The following ATP8A2 variants were observed in gnomAD, a reference collection of about 807,000 sequenced individuals.
The protein encoded by ATP8A2 is ATPase phospholipid transporting 8A2.
In ATP8A2, 100 loss-of-function variants were observed where a neutral mutation model predicts 165.6. The ratio of observed to expected loss-of-function variants is 0.60; its 90% confidence interval spans 0.51 to 0.71. ATP8A2 has a LOEUF of 0.71. Ranked by LOEUF, ATP8A2 falls within the 30% of genes least tolerant of loss-of-function variation. ATP8A2 has a pLI of 0.00. For synonymous variants in ATP8A2, 543 were observed against 548.8 expected (o/e 0.99, Z 0.15); for missense variants, 1,227 against 1,479.5 (o/e 0.83, Z 2.80).
At chr13:25,465,037 C>T (rs1442941648) in intron 1 of ATP8A2, among the ~76,000 whole-genome samples, 2 of 152,266 alleles carry the variant, frequency 1.3e-5, no homozygotes, top group East Asian at 3.9e-4. Flanking sequence ...GTTTCTTTCT[C>T]AGCTAATAGA....
chr13:25,789,585 G>C (rs1326704562), intron 27 of ATP8A2, among the ~76,000 whole-genome samples: 1 of 152,158 alleles, frequency 6.6e-6, no homozygotes, highest in East Asian at 1.9e-4. Context: ...AATCAGAGAT[G>C]ACACAAACAA....
At chr13:25,535,505 C>A (rs1420925929) in intron 6 of ATP8A2, among the ~76,000 whole-genome samples, 4 of 152,114 alleles carry the variant, frequency 2.6e-5, no homozygotes, top group Non-Finnish European at 5.9e-5. Flanking sequence ...ACACAAGGAA[C>A]AATCATGTAA....
In ATP8A2 at chr13:25,764,133, TA is replaced by T. The variant is rs1566115231; in HGVS notation, c.2385-4912del. Reference sequence around the variant, plus strand: ...TCTGATATATTGGAGCACTTTATTTTATAGTTAAATATTATGTATTTTAGGC... The same window carrying T: ...TCTGATATATTGGAGCACTTTATTTTTAGTTAAATATTATGTATTTTAGGC... On this transcript the variant is annotated intron_variant, in intron 25 of 36. Coordinates refer to ENST00000381655, the MANE Select transcript of ATP8A2 (RefSeq NM_016529.6). Among the ~76,000 whole-genome samples the T allele has an allele frequency of 3.9e-5, 6 of 152,226 alleles. No homozygotes were observed. In the East Asian group the frequency reaches 1.2e-3, roughly 29 times the overall value.
At chr13:25,899,119 G>A (rs778759660) in intron 33 of ATP8A2, among the ~76,000 whole-genome samples, 9 of 152,188 alleles carry the variant, frequency 5.9e-5, no homozygotes, top group Non-Finnish European at 1.0e-4. Flanking sequence ...CTTCTGTGTC[G>A]CTCACTCTGG....
Position 26,022,485 on chromosome 13 carries a change from G to A in ATP8A2, c.*2500G>A, listed in dbSNP as rs1055472607. The A allele has an allele frequency of 6.6e-6, 1 of 152,222 alleles. No individual in the cohort carries two copies. The highest frequency in any genetic ancestry group is 2.4e-5 in the African/African-American group (1 of 41,444). The allele number at this position is 152,222 out of a possible 1,614,324, so 9.4% of individuals were successfully genotyped here. A position where few individuals can be genotyped will look rare whatever the true frequency, so the allele number is the denominator to read the frequency against. ...GTGTATTTTCCTATTCTCTTGAGAA[G>A]TAGACTAAACAATATTTGCAGTGAT... On this transcript the variant is annotated 3_prime_UTR_variant, in exon 37 of 37. Coordinates refer to ENST00000381655, the MANE Select transcript of ATP8A2 (RefSeq NM_016529.6).
At chr13:25,699,396 C>A in intron 25 of ATP8A2, 51 bp downstream of exon 25, 2 of 1,374,446 alleles carry the variant, frequency 1.5e-6, no homozygotes, top group South Asian at 1.8e-5. Flanking sequence ...GTCTGTATCC[C>A]GTGCTTATAC....
At chr13:25,832,471 G>A (rs1475888034) in intron 28 of ATP8A2, among the ~76,000 whole-genome samples, 1 of 152,060 alleles carries the variant, frequency 6.6e-6, no homozygotes, top group East Asian at 1.9e-4. Context: ...TAAAATATTG[G>A]CAAATGGAGT....
chr13:25,416,466 T>A (rs2034136135), intron 1 of ATP8A2, among the ~76,000 whole-genome samples: 1 of 152,178 alleles, frequency 6.6e-6, no homozygotes, highest in Non-Finnish European at 1.5e-5. Flanking sequence ...ATCAATAGAT[T>A]TCACTTGAAA....
At chr13:25,661,612 T>C (rs1566024279) in intron 24 of ATP8A2, among the ~76,000 whole-genome samples, 1 of 152,200 alleles carries the variant, frequency 6.6e-6, no homozygotes, top group Non-Finnish European at 1.5e-5. Context: ...AAAACCAATT[T>C]GCATAGCTCT....
rs749198462 is a variant in ATP8A2 at position 26,020,102 on chromosome 13, C to A, written c.*117C>A. ...AGCCAAAACACCAGGAAACACATTT[C>A]TGTGGCCTTAGCCAAGCAGTTTGTT... On this transcript the variant is annotated 3_prime_UTR_variant, in exon 37 of 37. Transcript: ENST00000381655. The A allele has an allele frequency of 2.7e-6, 2 of 750,044 alleles. No individual in the cohort carries two copies. Among genetic ancestry groups the A allele is most frequent in the Admixed American group, 4.4e-5 (2 of 44,958 alleles). The allele number at this position is 750,044 out of a possible 1,614,324, so 46.5% of individuals were successfully genotyped here. A position where few individuals can be genotyped will look rare whatever the true frequency, so the allele number is the denominator to read the frequency against.
chr13:25,851,655 T>C (rs1200649745), intron 30 of ATP8A2, among the ~76,000 whole-genome samples: 1 of 152,068 alleles, frequency 6.6e-6, no homozygotes, highest in Non-Finnish European at 1.5e-5. Context: ...TAGATTTCTC[T>C]GTTTCTGCTG....
intron 1 of ATP8A2, among the ~76,000 whole-genome samples, chr13:25,458,582 A>C (rs1043294532): frequency 9.2e-5 from 14 of 152,234 alleles, no homozygotes; most frequent in African/African-American, 3.4e-4. Flanking sequence ...TTTGGAATCC[A>C]GAAGAATGGC....
intron 1 of ATP8A2, among the ~76,000 whole-genome samples, chr13:25,401,665 C>A (rs1332091097): frequency 6.6e-6 from 1 of 152,090 alleles, no homozygotes; most frequent in Admixed American, 6.6e-5. Flanking sequence ...TCATGGGGTG[C>A]ACATTCCAAG....
chr13:25,892,267 C>A (rs555402445), intron 33 of ATP8A2, among the ~76,000 whole-genome samples: 1 of 152,108 alleles, frequency 6.6e-6, no homozygotes, highest in Non-Finnish European at 1.5e-5. Flanking sequence ...TGAGCCACTG[C>A]GCCTGGCACC....
At chr13:25,621,792 G>A (rs1170644487) in intron 24 of ATP8A2, among the ~76,000 whole-genome samples, 5 of 152,228 alleles carry the variant, frequency 3.3e-5, no homozygotes, top group African/African-American at 9.6e-5. Context: ...ACCTGAAAAT[G>A]GGATTCCTTT....
intron 35 of ATP8A2, among the ~76,000 whole-genome samples, chr13:26,002,755 G>A (rs573443638): frequency 1.3e-5 from 2 of 151,938 alleles, no homozygotes; most frequent in Admixed American, 6.6e-5. Context: ...GTCTTACTGT[G>A]CCCGGTTTAT....
chr13:25,633,975 C>CA (rs199748845), intron 24 of ATP8A2, among the ~76,000 whole-genome samples: 34,282 of 133,552 alleles, frequency 0.26, 3,985 homozygotes, highest in Admixed American at 0.28. Flanking sequence ...GACCCTGTCT[C>CA]AAAAAAAAAA....
At position 26,020,220 on chromosome 13, in the gene ATP8A2, G is replaced by C. The variant is rs11547789; in HGVS notation, c.*235G>C. On this transcript the variant is annotated 3_prime_UTR_variant, in exon 37 of 37. Transcript: ENST00000381655. ...GTCTGCAGTGCTTAGCCTAACTTTTGTTTATGTCGTTATGAAGCATTCAAC... is the reference window on the plus strand; with the variant it reads ...GTCTGCAGTGCTTAGCCTAACTTTTCTTTATGTCGTTATGAAGCATTCAAC... 2 of 550,690 alleles carry C rather than the reference G, an allele frequency of 3.6e-6. No homozygotes were observed. Among genetic ancestry groups the C allele is most frequent in the Admixed American group, 6.5e-5 (2 of 30,668 alleles). The allele number at this position is 550,690 out of a possible 1,614,324, so 34.1% of individuals were successfully genotyped here. A position where few individuals can be genotyped will look rare whatever the true frequency, so the allele number is the denominator to read the frequency against.
intron 1 of ATP8A2, among the ~76,000 whole-genome samples, chr13:25,427,981 C>T (rs1438270156): frequency 1.3e-5 from 2 of 152,054 alleles, no homozygotes; most frequent in African/African-American, 4.8e-5. Flanking sequence ...CAGATCACTT[C>T]AGCCTAGTCC....
Sources: allele counts gnomAD v4.1 joint callset (sites outside exome capture counted in the v4.1 genomes callset), GRCh38; gene constraint gnomAD v4.1.1; transcripts MANE v1.5; gene names NCBI Gene and HGNC (gene_info 2026-07-23, HGNC 2026-07-21).